Variants in ZNF532 observed in about 807,000 individuals in gnomAD.
ZNF532 encodes zinc finger protein 532.
A neutral mutation model predicts 89.3 loss-of-function variants in ZNF532; 22 were observed. The ratio of observed to expected loss-of-function variants is 0.25; its 90% CI spans 0.18 to 0.35. The LOEUF is 0.35. ZNF532 is among the 10% of genes least tolerant of loss of function. ZNF532 has a pLI of 1.00. For synonymous variants in ZNF532, 606 were observed against 649.6 expected (o/e 0.93, Z 1.02); for missense variants, 1,132 against 1,643.4 (o/e 0.69, Z 5.38).
upstream of ZNF532, chr18:58,863,443 C>G (rs2056131403): frequency 6.2e-5 from 1 of 16,158 alleles, no homozygotes; most frequent in Non-Finnish European, 1.5e-4. Flanking sequence ...GCTCCCTTCC[C>G]CCACCGGCCG....
At chr18:58,901,700 G>A (rs2059612031) in intron 2 of ZNF532, among the ~76,000 whole-genome samples, 1 of 152,138 alleles carries the variant, frequency 6.6e-6, no homozygotes, top group Non-Finnish European at 1.5e-5. Flanking sequence ...CACCTGCAGG[G>A]GTGGAGTCAC....
intron 2 of ZNF532, among the ~76,000 whole-genome samples, chr18:58,869,367 C>G (rs905184739): frequency 3.3e-5 from 5 of 152,120 alleles, no homozygotes; most frequent in African/African-American, 9.7e-5. Flanking sequence ...GCTTTGTAAC[C>G]CTGAACTAAT....
chr18:58,967,541 C>T (rs1034550716), intron 7 of ZNF532, among the ~76,000 whole-genome samples: 2 of 152,192 alleles, frequency 1.3e-5, no homozygotes, highest in African/African-American at 4.8e-5. Flanking sequence ...CCCACCCTGC[C>T]CCCCCGTGCA....
At chr18:58,863,483 GTTCGCT>G, upstream of ZNF532, 2 of 137,150 alleles carry the variant, frequency 1.5e-5, no homozygotes, top group African/African-American at 2.7e-5. Flanking sequence ...GCTCCCTTTT[GTTCGCT>G]CGCCGCCCGG....
At chr18:58,870,082 T>G (rs1213694957) in intron 2 of ZNF532, among the ~76,000 whole-genome samples, 2 of 151,010 alleles carry the variant, frequency 1.3e-5, no homozygotes, top group Non-Finnish European at 3.0e-5. Flanking sequence ...GTTTTTTTTT[T>G]TTTTTTTTTT....
In ZNF532 at chr18:58,919,757, C is replaced by T. The variant is rs1457962075; in HGVS notation, c.1470C>T (p.Ser490=). ...VISAASVQSA[S]SAIIKAANAI... is the part of the protein sequence containing the mutation. ...CTGCTGCCTCTGTCCAGAGTGCCAG[C>T]AGCGCCATCATTAAAGCTGCCAACG... Residue 490 remains serine, a synonymous_variant, in exon 3 of 10, where the codon AGC becomes AGT. Transcript: ENST00000591808. This position sits in a 1 kb window ranked among gnomAD's most constrained non-coding sequence, Gnocchi z 6.1. 1.2e-6 allele frequency: 2 copies of T among 1,614,072 alleles called. No homozygotes were observed. Among genetic ancestry groups the T allele is most frequent in the Non-Finnish European group, 1.7e-6 (2 of 1,180,026 alleles).
chr18:58,945,395 G>T (rs184080933), intron 5 of ZNF532, among the ~76,000 whole-genome samples: 110 of 152,338 alleles, frequency 7.2e-4, no homozygotes, highest in Admixed American at 1.8e-3. Context: ...TCATCGAGGC[G>T]AGGCAGTTTC....
Position 58,981,289 on chromosome 18 carries a change from C to T in ZNF532, c.3264-181C>T, listed in dbSNP as rs547005181. 2.4e-5 allele frequency: 17 copies of T among 706,778 alleles called. No homozygotes were observed. In the Admixed American group the frequency reaches 2.7e-4, roughly 11 times the overall value. The allele number at this position is 706,778 out of a possible 1,614,324, so 43.8% of individuals were successfully genotyped here. On this transcript the variant is annotated intron_variant, in intron 8 of 9. Transcript: ENST00000591808. ...CCCTTTAAAATTAAAGCCATCTAGACCTGTAAATTAAGGGCCACTCCTAGC... is the reference window on the plus strand; with the variant it reads ...CCCTTTAAAATTAAAGCCATCTAGATCTGTAAATTAAGGGCCACTCCTAGC...
At chr18:58,868,289 G>A (rs1275027776) in intron 2 of ZNF532, among the ~76,000 whole-genome samples, 1 of 152,134 alleles carries the variant, frequency 6.6e-6, no homozygotes, top group Non-Finnish European at 1.5e-5. Context: ...TTATTTTAGG[G>A]CTGATCTTTA....
At chr18:58,889,570 C>G (rs1301542749) in intron 2 of ZNF532, among the ~76,000 whole-genome samples, 8 of 151,970 alleles carry the variant, frequency 5.3e-5, no homozygotes, top group African/African-American at 1.9e-4. Context: ...GAGGCTGAGA[C>G]AGGCGGATCA....
At chr18:58,963,600 AAAATGTGTG>A (rs2065577111) in intron 7 of ZNF532, among the ~76,000 whole-genome samples, 4 of 139,488 alleles carry the variant, frequency 2.9e-5, no homozygotes, top group African/African-American at 8.4e-5. Context: ...TTAAAAGAAA[AAAATGTGTG>A]TGTGTGTGTG....
chr18:58,975,609 A>T (rs184644229), intron 7 of ZNF532, among the ~76,000 whole-genome samples: 4 of 152,344 alleles, frequency 2.6e-5, no homozygotes, highest in Admixed American at 2.6e-4. Flanking sequence ...TAGCATAGTC[A>T]CTGGAGAAAA....
At chr18:58,973,624 T>G (rs2066711634) in intron 7 of ZNF532, among the ~76,000 whole-genome samples, 1 of 152,176 alleles carries the variant, frequency 6.6e-6, no homozygotes, top group Admixed American at 6.5e-5. Context: ...AACATATGAC[T>G]TAGTAATCCC....
intron 9 of ZNF532, among the ~76,000 whole-genome samples, chr18:58,983,676 T>G (rs2068102676): frequency 6.6e-6 from 1 of 152,058 alleles, no homozygotes; most frequent in Non-Finnish European, 1.5e-5. Flanking sequence ...TATTTTCTCA[T>G]TTGTTTCTGT....
At position 58,979,153 on chromosome 18, in the gene ZNF532, A is replaced by G. The variant is rs752695023; in HGVS notation, c.3249A>G (p.Lys1083=). The G allele has an allele frequency of 3.7e-6, 6 of 1,611,200 alleles. No homozygotes were observed. Among genetic ancestry groups the G allele is most frequent in the African/African-American group, 1.3e-5 (1 of 75,020 alleles). ...HNRIKHKGIR[K]VYACSHCPDS... is the part of the protein sequence containing the mutation. Reference sequence around the variant, plus strand: ...GGATCAAGCACAAAGGCATCAGGAAAGTGTACGCCTGCTCGTAAGTCCTGG... The same window carrying G: ...GGATCAAGCACAAAGGCATCAGGAAGGTGTACGCCTGCTCGTAAGTCCTGG... The change falls in exon 8 of 10, where the codon AAA becomes AAG. Residue 1083 remains lysine (K), a synonymous_variant. Transcript: ENST00000591808.
intron 2 of ZNF532, among the ~76,000 whole-genome samples, chr18:58,890,594 A>ATT (rs59139870): frequency 0.018 from 2,418 of 137,156 alleles, 38 homozygotes; most frequent in Middle Eastern, 0.04. Context: ...ACTGCCGCCC[A>ATT]TTTTTTTTTT....
intron 2 of ZNF532, among the ~76,000 whole-genome samples, chr18:58,915,231 C>T (rs944800817): frequency 1.4e-4 from 21 of 152,286 alleles, no homozygotes; most frequent in East Asian, 3.9e-4. Context: ...CGACACGATG[C>T]GCTTTCGGTT....
intron 7 of ZNF532, among the ~76,000 whole-genome samples, chr18:58,957,369 A>G (rs1012083196): frequency 3.4e-5 from 5 of 149,158 alleles, no homozygotes; most frequent in African/African-American, 1.2e-4. Flanking sequence ...TGAACTTTGT[A>G]TACTTGATTT....
Position 58,985,485 on chromosome 18 carries a change from G to A in ZNF532, c.*1019G>A, listed in dbSNP as rs975169413. The A allele has an allele frequency of 6.6e-6, 1 of 152,578 alleles. No homozygotes were observed. Among genetic ancestry groups the A allele is most frequent in the Non-Finnish European group, 1.5e-5 (1 of 68,040 alleles). The allele number at this position is 152,578 out of a possible 1,614,324, so 9.5% of individuals were successfully genotyped here. A position where few individuals can be genotyped will look rare whatever the true frequency, so the allele number is the denominator to read the frequency against. On this transcript the variant is annotated 3_prime_UTR_variant, in exon 10 of 10. Coordinates refer to ENST00000591808, the MANE Select transcript of ZNF532 (RefSeq NM_001375912.1). Reference sequence around the variant, plus strand: ...TCTGGGTGCTACTGCCAAACGTTATGGTACTTAGAGTCGGGATGCACAACT... The same window carrying A: ...TCTGGGTGCTACTGCCAAACGTTATAGTACTTAGAGTCGGGATGCACAACT...
Sources: gnomAD v4.1 joint callset for allele counts (sites outside exome capture counted in the v4.1 genomes callset) on GRCh38, gnomAD v4.1.1 for gene constraint, Gnocchi (gnomAD v3.1) non-coding constraint, MANE v1.5 for transcripts, NCBI Gene and HGNC (gene_info 2026-07-23, HGNC 2026-07-21) for gene names.